Variants in EDIL3 observed in about 807,000 individuals in gnomAD.
EDIL3 encodes the protein EGF like and discoidin domains 3.
Under a neutral mutation model 67.4 loss-of-function variants are expected in EDIL3, and 37 were observed. The ratio of observed to expected loss-of-function variants is 0.55; its 90% CI spans 0.42 to 0.72. The LOEUF (loss-of-function observed/expected upper bound fraction) is 0.72. Ranked by LOEUF, EDIL3 falls within the 30% of genes least tolerant of loss-of-function variation. The probability of loss-of-function intolerance (pLI) is 0.00; values close to 1 mark genes in which losing one functional copy is unlikely to be tolerated. For synonymous variants in EDIL3, 195 were observed against 196.3 expected, an observed-to-expected ratio of 0.99 and a Z score of 0.05; for missense variants, 527 against 586.3, an observed-to-expected ratio of 0.90 and a Z score of 1.04.
intron 9 of EDIL3, chr5:84,048,360 C>A (rs1259489950): frequency 3.4e-6 from 1 of 295,726 alleles, no homozygotes; most frequent in Non-Finnish European, 6.8e-6. Flanking sequence ...TTTTAAAAAT[C>A]TGACATGGAC....
At chr5:83,972,392 G>A (rs1744809337) in intron 9 of EDIL3, among the ~76,000 whole-genome samples, 1 of 152,064 alleles carries the variant, frequency 6.6e-6, no homozygotes, top group South Asian at 2.1e-4. Flanking sequence ...TGTAGTGACA[G>A]GAAGACACTG....
intron 3 of EDIL3, among the ~76,000 whole-genome samples, chr5:84,225,533 A>T (rs1022714192): frequency 2.6e-5 from 4 of 151,658 alleles, no homozygotes; most frequent in Admixed American, 2.0e-4. Context: ...AATCAATTGT[A>T]TTCCATTGTA....
At chr5:84,264,879 C>T (rs182381699) in intron 1 of EDIL3, among the ~76,000 whole-genome samples, 6 of 152,248 alleles carry the variant, frequency 3.9e-5, no homozygotes, top group African/African-American at 1.4e-4. Flanking sequence ...AAATTCAGTG[C>T]CACGTCCAGC....
intron 3 of EDIL3, among the ~76,000 whole-genome samples, chr5:84,202,966 G>T (rs1468774423): frequency 6.6e-6 from 1 of 152,112 alleles, no homozygotes; most frequent in African/African-American, 2.4e-5. Flanking sequence ...AGATATTATA[G>T]AGGAAACAGG....
At chr5:83,971,193 T>C (rs754931943) in intron 9 of EDIL3, among the ~76,000 whole-genome samples, 1 of 151,720 alleles carries the variant, frequency 6.6e-6, no homozygotes, top group Non-Finnish European at 1.5e-5. Flanking sequence ...TGGAAAAATA[T>C]AGCACCTCTC....
chr5:84,138,398 C>T (rs1748130237), intron 4 of EDIL3, among the ~76,000 whole-genome samples: 1 of 152,162 alleles, frequency 6.6e-6, no homozygotes, highest in Non-Finnish European at 1.5e-5. Context: ...CTGAAAATGC[C>T]ACACTCCATC....
chr5:84,272,389 T>C (rs773407473), intron 1 of EDIL3, among the ~76,000 whole-genome samples: 13 of 151,974 alleles, frequency 8.6e-5, no homozygotes, highest in Non-Finnish European at 1.9e-4. Flanking sequence ...AAGATAAAAA[T>C]ATACGCTAAA....
intron 1 of EDIL3, among the ~76,000 whole-genome samples, chr5:84,270,218 A>C (rs1745440529): frequency 6.6e-6 from 1 of 152,198 alleles, no homozygotes; most frequent in African/African-American, 2.4e-5. Flanking sequence ...CCCAATTAGC[A>C]GCAAAGTAGA....
At chr5:84,093,357 A>G (rs917561871) in intron 6 of EDIL3, among the ~76,000 whole-genome samples, 5 of 152,186 alleles carry the variant, frequency 3.3e-5, no homozygotes, top group African/African-American at 1.2e-4. Flanking sequence ...ATGACTATAA[A>G]GGTATTTTAG....
Position 84,229,866 on chromosome 5 carries a change from G to T in EDIL3, c.215C>A (p.Pro72Gln), listed in dbSNP as rs766182006. 2 of 1,603,774 alleles carry T rather than the reference G, an allele frequency of 1.2e-6. No individual in the cohort carries two copies. Among genetic ancestry groups the T allele is most frequent in the South Asian group, 2.2e-5 (2 of 89,800 alleles). ...CATAGGAACTTTACCTGCTGAAGTT[G>T]GTTCTTCTTCATCTGATGCTATGAT... ...VVEVASDEEE[P>Q]TSAGPCTPNP... is the part of the protein sequence containing the mutation. Residue 72 changes from proline to glutamine, a missense_variant, in exon 3 of 11, where the codon CCA (proline) becomes CAA (glutamine). Around this residue, in one of 2 missense-constraint regions of EDIL3, gnomAD observed 494 missense variants for 522.5 expected, o/e 0.95. Transcript: ENST00000296591.
chr5:84,000,267 A>G (rs1745309279), intron 9 of EDIL3, among the ~76,000 whole-genome samples: 1 of 152,182 alleles, frequency 6.6e-6, no homozygotes, highest in Admixed American at 6.5e-5. Flanking sequence ...TAACACTGTA[A>G]TTGTAGTGTA....
chr5:84,323,647 T>C (rs921441548), intron 1 of EDIL3, among the ~76,000 whole-genome samples: 3 of 151,832 alleles, frequency 2.0e-5, no homozygotes, highest in Non-Finnish European at 4.4e-5. Context: ...TAACAAAATG[T>C]TCCAACTAAA....
intron 4 of EDIL3, among the ~76,000 whole-genome samples, chr5:84,158,390 A>G (rs1347251021): frequency 1.2e-4 from 19 of 152,090 alleles, no homozygotes; most frequent in Non-Finnish European, 1.5e-5. Flanking sequence ...CTAGCAATAC[A>G]CACACAAATT....
chr5:84,096,150 G>C (rs528708602), intron 6 of EDIL3, among the ~76,000 whole-genome samples: 4 of 152,292 alleles, frequency 2.6e-5, no homozygotes, highest in African/African-American at 4.8e-5. Context: ...AGGGAAACGG[G>C]GGGTAAGAGC....
chr5:84,178,387 CAGATACCT>C (rs1298593859), intron 4 of EDIL3, among the ~76,000 whole-genome samples: 4 of 152,132 alleles, frequency 2.6e-5, no homozygotes, highest in Non-Finnish European at 5.9e-5. Flanking sequence ...AAAACAAACC[CAGATACCT>C]AGCAATCCTT....
At chr5:84,049,903 T>TA (rs1163004205) in intron 9 of EDIL3, among the ~76,000 whole-genome samples, 4 of 151,810 alleles carry the variant, frequency 2.6e-5, no homozygotes, top group East Asian at 1.9e-4. Context: ...GATCACCTCT[T>TA]AAAAAAAATC....
rs565537653 is a variant in EDIL3 at position 84,134,883 on chromosome 5, C to T, written c.469+2358G>A. Among the ~76,000 whole-genome samples the T allele has an allele frequency of 1.3e-4, 20 of 152,264 alleles. No individual in the cohort carries two copies. The South Asian group carries it at 3.5e-3, about 27-fold the overall frequency. On this transcript the variant is annotated intron_variant, in intron 5 of 10. Transcript: ENST00000296591. Reference sequence around the variant, plus strand: ...AAGGGAGGCATGCCACTATCACATGCATCTTCAAAGAGATGTCTGAATTTA... The same window carrying T: ...AAGGGAGGCATGCCACTATCACATGTATCTTCAAAGAGATGTCTGAATTTA...
At chr5:84,140,688 G>A (rs1417580077) in intron 4 of EDIL3, among the ~76,000 whole-genome samples, 1 of 152,044 alleles carries the variant, frequency 6.6e-6, no homozygotes. Context: ...CCTTTTCATT[G>A]TTTAAATGTG....
At position 84,302,985 on chromosome 5, in the gene EDIL3, G is replaced by A. The variant is rs138454603; in HGVS notation, c.68-48773C>T. Among the ~76,000 whole-genome samples the A allele has an allele frequency of 8.5e-5, 13 of 152,242 alleles. No homozygotes were observed. The East Asian group carries it at 2.3e-3, about 27-fold the overall frequency. On this transcript the variant is annotated intron_variant, in intron 1 of 10. Coordinates refer to ENST00000296591, the MANE Select transcript of EDIL3 (RefSeq NM_005711.5). Reference sequence around the variant, plus strand: ...AATCAAAATCAGAGAGAGATAGGTAGCTTCTGTTCTAAAGAGAATCATTCC... The same window carrying A: ...AATCAAAATCAGAGAGAGATAGGTAACTTCTGTTCTAAAGAGAATCATTCC...
Sources: allele counts gnomAD v4.1 joint callset (sites outside exome capture counted in the v4.1 genomes callset), GRCh38; gene constraint gnomAD v4.1.1; regional missense constraint gnomAD v4.1.1; transcripts MANE v1.5; gene names NCBI Gene and HGNC (gene_info 2026-07-23, HGNC 2026-07-21).